PCSK2: variants seen among roughly 807,000 people sequenced by gnomAD.
PCSK2 encodes the protein neuroendocrine convertase 2.
In PCSK2, 14 loss-of-function variants were observed where a neutral mutation model predicts 69.7. That is an observed-to-expected ratio of 0.20 (90% CI 0.13 to 0.31). The LOEUF (loss-of-function observed/expected upper bound fraction) is 0.31, where lower values mean the gene tolerates loss of function less well. Ranked by LOEUF, PCSK2 falls within the 10% of genes least tolerant of loss-of-function variation. The pLI, the probability that PCSK2 is intolerant of heterozygous loss-of-function variation, is 1.00. For missense variants in PCSK2, 544 were observed against 842.5 expected, an observed-to-expected ratio of 0.65 and a Z score of 4.39; for synonymous variants, 307 against 320.7, an observed-to-expected ratio of 0.96 and a Z score of 0.46.
intron 2 of PCSK2, among the ~76,000 whole-genome samples, chr20:17,316,250 G>A (rs576520182): frequency 1.3e-5 from 2 of 152,254 alleles, no homozygotes; most frequent in South Asian, 4.1e-4. Flanking sequence ...TTCTTTTCTC[G>A]TTTCCTTCTC....
In PCSK2 at chr20:17,483,418, C is replaced by T. The variant is rs1162413500; in HGVS notation, c.*1348C>T. On this transcript the variant is annotated 3_prime_UTR_variant, in exon 12 of 12. Coordinates refer to ENST00000262545, the MANE Select transcript of PCSK2 (RefSeq NM_002594.5). ...ATCCCAAAAGTCACCACTCCATTCC[C>T]AACTAGACATTACCAAAGTGACCTA... The T allele has an allele frequency of 2.0e-5, 3 of 152,382 alleles. No homozygotes were observed. The highest frequency in any genetic ancestry group is 4.4e-5 in the Non-Finnish European group (3 of 68,084). The allele number at this position is 152,382 out of a possible 1,614,324, so 9.4% of individuals were successfully genotyped here.
chr20:17,323,214 T>A (rs899241990), intron 2 of PCSK2, among the ~76,000 whole-genome samples: 4 of 152,152 alleles, frequency 2.6e-5, no homozygotes, highest in Non-Finnish European at 5.9e-5. Context: ...TTACAACACA[T>A]GAATTCTGAG....
intron 2 of PCSK2, among the ~76,000 whole-genome samples, chr20:17,296,820 A>G (rs894450797): frequency 3.3e-5 from 5 of 152,236 alleles, no homozygotes; most frequent in Non-Finnish European, 7.3e-5. Context: ...AAGGTAAGCC[A>G]CAAGCCCACT....
chr20:17,418,463 G>A (rs1446518732), intron 6 of PCSK2, among the ~76,000 whole-genome samples: 3 of 152,136 alleles, frequency 2.0e-5, no homozygotes, highest in African/African-American at 4.8e-5. Flanking sequence ...AACTGCTGTG[G>A]GATTTGGAGG....
At chr20:17,375,961 T>C (rs1287136089) in intron 5 of PCSK2, among the ~76,000 whole-genome samples, 1 of 152,176 alleles carries the variant, frequency 6.6e-6, no homozygotes, top group Non-Finnish European at 1.5e-5. Context: ...TTGTGACATG[T>C]TTTAAGCAAT....
intron 2 of PCSK2, among the ~76,000 whole-genome samples, chr20:17,294,098 CTT>C (rs34805695): frequency 4.2e-4 from 31 of 73,956 alleles, no homozygotes; most frequent in Admixed American, 2.2e-3. Flanking sequence ...AAAGTATTTT[CTT>C]TTTTTTTTTT....
intron 8 of PCSK2, among the ~76,000 whole-genome samples, chr20:17,442,554 A>G (rs1172301131): frequency 2.0e-5 from 3 of 152,186 alleles, no homozygotes; most frequent in Admixed American, 2.0e-4. Context: ...TGATCCAATT[A>G]CGACTTTTTT....
Position 17,390,486 on chromosome 20 carries a change from G to A in PCSK2, c.544-18777G>A, listed in dbSNP as rs375938409. 2.0e-5 allele frequency among the ~76,000 whole-genome samples: 3 copies of A among 152,326 alleles called. No homozygotes were observed. The South Asian group carries it at 6.2e-4, about 32-fold the overall frequency. On this transcript the variant is annotated intron_variant, in intron 5 of 11. Coordinates refer to ENST00000262545, the MANE Select transcript of PCSK2 (RefSeq NM_002594.5). The stretch of plus-strand genomic sequence containing the variant: ...AATCAGTTACCACCAAAAATGCCCT[G>A]TGAATGTGGGAAGAATGAGTGGAGA...
At chr20:17,383,181 C>T (rs73257652) in intron 5 of PCSK2, among the ~76,000 whole-genome samples, 9,591 of 152,198 alleles carry the variant, frequency 0.063, 367 homozygotes, top group African/African-American at 0.11. Flanking sequence ...TGGCTTTCCT[C>T]TTTTTCTTTT....
chr20:17,352,379 C>T (rs1209443614), intron 2 of PCSK2, among the ~76,000 whole-genome samples: 2 of 152,098 alleles, frequency 1.3e-5, no homozygotes, highest in African/African-American at 4.8e-5. Context: ...CAAAAAGAGC[C>T]CGAATAGCCA....
chr20:17,459,853 C>G (rs1231687285), intron 10 of PCSK2, among the ~76,000 whole-genome samples: 2 of 152,160 alleles, frequency 1.3e-5, no homozygotes, highest in Non-Finnish European at 2.9e-5. Flanking sequence ...TGAGGATGAT[C>G]AATAAGGCAA....
intron 5 of PCSK2, among the ~76,000 whole-genome samples, chr20:17,397,575 GT>G (rs1378397316): frequency 2.0e-5 from 3 of 151,950 alleles, no homozygotes; most frequent in Non-Finnish European, 4.4e-5. Flanking sequence ...CACCTCCTAG[GT>G]TCAAGCAATT....
At chr20:17,319,537 G>A (rs1456820232) in intron 2 of PCSK2, among the ~76,000 whole-genome samples, 6 of 152,178 alleles carry the variant, frequency 3.9e-5, no homozygotes, top group Admixed American at 1.3e-4. Context: ...GTTCCAAGAT[G>A]CAGCAAGACA....
intron 5 of PCSK2, among the ~76,000 whole-genome samples, chr20:17,376,265 A>G (rs2030921744): frequency 6.6e-6 from 1 of 152,178 alleles, no homozygotes; most frequent in Non-Finnish European, 1.5e-5. Flanking sequence ...CAAGCCAGCC[A>G]AGCTCAGCAG....
At chr20:17,333,328 T>A (rs1395351467) in intron 2 of PCSK2, among the ~76,000 whole-genome samples, 1 of 152,156 alleles carries the variant, frequency 6.6e-6, no homozygotes, top group African/African-American at 2.4e-5. Flanking sequence ...ATTTCCAAAT[T>A]AAAAGTTTAC....
chr20:17,413,329 G>A (rs1422182566), intron 6 of PCSK2, among the ~76,000 whole-genome samples: 1 of 152,110 alleles, frequency 6.6e-6, no homozygotes, highest in African/African-American at 2.4e-5. Context: ...ATTAAGGGAT[G>A]GAGGAAGATC....
At chr20:17,252,007 C>G (rs1987000854) in intron 1 of PCSK2, among the ~76,000 whole-genome samples, 1 of 152,188 alleles carries the variant, frequency 6.6e-6, no homozygotes, top group Non-Finnish European at 1.5e-5. Flanking sequence ...AACATGGCAG[C>G]CTGAGAGGAG....
intron 5 of PCSK2, among the ~76,000 whole-genome samples, chr20:17,384,425 C>CAAAAAAAAA (rs11478291): frequency 1.9e-5 from 2 of 106,522 alleles, no homozygotes; most frequent in Non-Finnish European, 1.8e-5. Flanking sequence ...CCATATCTAC[C>CAAAAAAAAA]AAAAAAAAAA....
In PCSK2 at chr20:17,358,223, A is replaced by G. The variant is rs529561357; in HGVS notation, c.283-104A>G. The G allele has an allele frequency of 8.6e-6, 6 of 698,010 alleles. No homozygotes were observed. The South Asian group carries it at 1.0e-4, about 12-fold the overall frequency. The allele number at this position is 698,010 out of a possible 1,614,324, so 43.2% of individuals were successfully genotyped here. A position where few individuals can be genotyped will look rare whatever the true frequency, so the allele number is the denominator to read the frequency against. On this transcript the variant is annotated intron_variant, in intron 2 of 11. Coordinates refer to ENST00000262545, the MANE Select transcript of PCSK2 (RefSeq NM_002594.5). ...ATGAACTTGCTTTTGCCAAAGAAAA[A>G]AATACACCTGATATACAAATGAAAT...
Sources: allele counts gnomAD v4.1 joint callset (sites outside exome capture counted in the v4.1 genomes callset), GRCh38; gene constraint gnomAD v4.1.1; transcripts MANE v1.5; gene names NCBI Gene and HGNC (gene_info 2026-07-23, HGNC 2026-07-21).